The following ZFPM2 variants were observed in gnomAD, a reference collection of about 807,000 sequenced individuals.
The protein encoded by ZFPM2 is zinc finger protein, FOG family member 2.
Under a neutral mutation model 98.6 loss-of-function variants are expected in ZFPM2, and 20 were observed. The ratio of observed to expected loss-of-function variants is 0.20; its 90% CI spans 0.14 to 0.29. The LOEUF (loss-of-function observed/expected upper bound fraction) is 0.29, where lower values mean the gene tolerates loss of function less well. Ranked by LOEUF, ZFPM2 falls within the 10% of genes least tolerant of loss-of-function variation. The pLI, the probability that ZFPM2 is intolerant of heterozygous loss-of-function variation, is 1.00. For missense variants in ZFPM2, 1,310 were observed against 1,388.6 expected (o/e 0.94, Z 0.90); for synonymous variants, 518 against 502.7 (o/e 1.03, Z -0.41).
intron 5 of ZFPM2, among the ~76,000 whole-genome samples, chr8:105,714,469 A>T (rs1186142434): frequency 6.6e-6 from 1 of 152,018 alleles, no homozygotes; most frequent in Non-Finnish European, 1.5e-5. Context: ...CTCTTGCCTG[A>T]TTGCTGGGCC....
At chr8:105,473,815 A>T (rs1030291633) in intron 3 of ZFPM2, among the ~76,000 whole-genome samples, 1 of 152,220 alleles carries the variant, frequency 6.6e-6, no homozygotes, top group Admixed American at 6.5e-5. Flanking sequence ...TTAATATGTG[A>T]GTGTGTATAT....
intron 4 of ZFPM2, among the ~76,000 whole-genome samples, chr8:105,621,440 G>A (rs776914044): frequency 1.7e-4 from 26 of 152,244 alleles, no homozygotes; most frequent in South Asian, 1.2e-3. Flanking sequence ...AGACTATGGG[G>A]TTTTCTAAAT....
At position 105,412,771 on chromosome 8, in the gene ZFPM2, C is replaced by G. The variant is rs144798739; in HGVS notation, c.41-6373C>G. 2.3e-4 allele frequency among the ~76,000 whole-genome samples: 35 copies of G among 151,758 alleles called. 1 individual carries two copies. Among genetic ancestry groups the G allele is most frequent in the Middle Eastern group, 6.8e-3 (2 of 294 alleles). On this transcript the variant is annotated intron_variant, in intron 1 of 7. Transcript: ENST00000407775. ...GGTTTGCACTGTCCAAAGAGTGTCC[C>G]TCTTCTCTGCCCCTTCTCATTAAAT...
chr8:105,432,189 G>A (rs185807816), intron 2 of ZFPM2, among the ~76,000 whole-genome samples: 1 of 152,174 alleles, frequency 6.6e-6, no homozygotes, highest in Admixed American at 6.5e-5. Flanking sequence ...ATATGAAATT[G>A]CAAATCTGAG....
chr8:105,566,013 C>T (rs569948812), intron 4 of ZFPM2, among the ~76,000 whole-genome samples: 116 of 152,202 alleles, frequency 7.6e-4, no homozygotes, highest in African/African-American at 2.6e-3. Flanking sequence ...AGATGAAGTT[C>T]GATAGCGGTC....
chr8:105,501,271 C>T (rs1813590017), intron 3 of ZFPM2, among the ~76,000 whole-genome samples: 1 of 151,360 alleles, frequency 6.6e-6, no homozygotes, highest in Non-Finnish European at 1.5e-5. Context: ...CAAACTCTGC[C>T]TCCCAGGTTT....
At position 105,634,355 on chromosome 8, in the gene ZFPM2, A is replaced by G; in HGVS notation, c.530A>G (p.Lys177Arg). 1 of 1,608,884 alleles carries G rather than the reference A, an allele frequency of 6.2e-7. No individual in the cohort carries two copies. Among genetic ancestry groups the G allele is most frequent in the Non-Finnish European group, 8.5e-7 (1 of 1,177,202 alleles). Reference sequence around the variant, plus strand: ...AAAAACAACTGCATTGTGTACAGCAAAGGTAAATGCAAGATTGTTTCCCTC... The same window carrying G: ...AAAAACAACTGCATTGTGTACAGCAGAGGTAAATGCAAGATTGTTTCCCTC... Reference protein sequence around the residue: ...DNKNNCIVYSKGGQLWCTTTK... With the variant: ...DNKNNCIVYSRGGQLWCTTTK... The change falls in exon 5 of 8, where the codon AAA becomes AGA. Residue 177 changes from lysine (K) to arginine (R), a missense_variant and splice_region_variant. Physicochemically the swap from Lys to Arg is conservative, Grantham distance 26. Transcript: ENST00000407775.
chr8:105,530,731 A>G (rs961389034), intron 3 of ZFPM2, among the ~76,000 whole-genome samples: 21 of 152,118 alleles, frequency 1.4e-4, no homozygotes, highest in Admixed American at 1.3e-4. Flanking sequence ...AGATAAAGTC[A>G]CATCAGGGGT....
chr8:105,577,223 T>A (rs116601712), intron 4 of ZFPM2, among the ~76,000 whole-genome samples: 1,946 of 152,268 alleles, frequency 0.013, 51 homozygotes, highest in African/African-American at 0.045. Flanking sequence ...CAGAATTGCT[T>A]CATGTAAGAG....
intron 5 of ZFPM2, among the ~76,000 whole-genome samples, chr8:105,737,995 C>G (rs572078104): frequency 6.6e-6 from 1 of 151,798 alleles, no homozygotes; most frequent in Non-Finnish European, 1.5e-5. Context: ...GAAAAAAAAG[C>G]AGCTAAGTTT....
intron 5 of ZFPM2, among the ~76,000 whole-genome samples, chr8:105,771,389 T>C (rs1812975626): frequency 6.6e-6 from 1 of 152,282 alleles, no homozygotes; most frequent in South Asian, 2.1e-4. Flanking sequence ...CTCTTTATTC[T>C]TAAAGGTAGT....
chr8:105,529,012 A>G (rs1814235063), intron 3 of ZFPM2: 2 of 152,176 alleles, frequency 1.3e-5, no homozygotes, highest in African/African-American at 4.8e-5. Flanking sequence ...AGCTTCCATA[A>G]CAAGCCTACA....
chr8:105,466,563 C>T (rs993254075), intron 3 of ZFPM2, among the ~76,000 whole-genome samples: 13 of 151,984 alleles, frequency 8.6e-5, no homozygotes, highest in Non-Finnish European at 1.8e-4. Flanking sequence ...ACATACTTTT[C>T]GTTGTTATTC....
chr8:105,447,842 G>A (rs761348031), intron 3 of ZFPM2, among the ~76,000 whole-genome samples: 1 of 152,018 alleles, frequency 6.6e-6, no homozygotes, highest in South Asian at 2.1e-4. Context: ...CCCGTCTGAC[G>A]TGTTTCATTT....
At chr8:105,589,326 C>G (rs749237467) in intron 4 of ZFPM2, among the ~76,000 whole-genome samples, 8 of 152,180 alleles carry the variant, frequency 5.3e-5, no homozygotes, top group Non-Finnish European at 1.2e-4. Context: ...ATGCACATAA[C>G]AATACATTTC....
chr8:105,637,955 TTG>T (rs151195967), intron 5 of ZFPM2, among the ~76,000 whole-genome samples: 2 of 151,178 alleles, frequency 1.3e-5, no homozygotes, highest in Non-Finnish European at 1.5e-5. Flanking sequence ...TGCCAAAAAA[TTG>T]TGTGTGTGTG....
At chr8:105,546,979 T>G (rs973864852) in intron 3 of ZFPM2, among the ~76,000 whole-genome samples, 12 of 152,258 alleles carry the variant, frequency 7.9e-5, no homozygotes, top group Non-Finnish European at 1.0e-4. Flanking sequence ...TCCCTTTTTT[T>G]GGGGAGGAGG....
At chr8:105,742,751 G>A (rs1000904643) in intron 5 of ZFPM2, among the ~76,000 whole-genome samples, 1 of 152,080 alleles carries the variant, frequency 6.6e-6, no homozygotes, top group African/African-American at 2.4e-5. Context: ...AATTAGCCAA[G>A]TGTGGTGGCA....
In ZFPM2 at chr8:105,748,622, A is replaced by T. The variant is rs1237051047; in HGVS notation, c.533-40096A>T. ...TTTTGTTTTGTCTTTGCGATAGGTT[A>T]TGTGGCTCACCTCAATGAATAGGGT... is the stretch of plus-strand genomic sequence containing the variant. On this transcript the variant is annotated intron_variant, in intron 5 of 7. Coordinates refer to ENST00000407775, the MANE Select transcript of ZFPM2 (RefSeq NM_012082.4). Among the ~76,000 whole-genome samples, 4 of 152,022 alleles carry T rather than the reference A, an allele frequency of 2.6e-5. No individual in the cohort carries two copies. The East Asian group carries it at 7.7e-4, about 29-fold the overall frequency.
Sources: gnomAD v4.1 joint callset for allele counts (sites outside exome capture counted in the v4.1 genomes callset) on GRCh38, gnomAD v4.1.1 for gene constraint, MANE v1.5 for transcripts, NCBI Gene and HGNC (gene_info 2026-07-23, HGNC 2026-07-21) for gene names.